Variants in KIAA1549L observed in about 807,000 individuals in gnomAD.
KIAA1549L encodes the protein KIAA1549 like, also known as UPF0606 protein KIAA1549L.
A neutral mutation model predicts 160.7 loss-of-function variants in KIAA1549L; 88 were observed. The ratio of observed to expected loss-of-function variants is 0.55; its 90% CI spans 0.46 to 0.65. The LOEUF (loss-of-function observed/expected upper bound fraction) is 0.65, where lower values mean the gene tolerates loss of function less well. Ranked by LOEUF, KIAA1549L falls within the 30% of genes least tolerant of loss-of-function variation. The pLI, the probability that KIAA1549L is intolerant of heterozygous loss-of-function variation, is 0.00. For synonymous variants in KIAA1549L, 950 were observed against 976.7 expected, an observed-to-expected ratio of 0.97 and a Z score of 0.51; for missense variants, 2,258 against 2,437.5, an observed-to-expected ratio of 0.93 and a Z score of 1.55.
chr11:33,500,014 G>C (rs1245385664), intron 1 of KIAA1549L, among the ~76,000 whole-genome samples: 1 of 152,058 alleles, frequency 6.6e-6, no homozygotes, highest in African/African-American at 2.4e-5. Context: ...CTGATACCAG[G>C]GTAGCCTTCT....
intron 1 of KIAA1549L, among the ~76,000 whole-genome samples, chr11:33,403,765 T>A (rs1850589009): frequency 6.6e-6 from 1 of 152,232 alleles, no homozygotes; most frequent in South Asian, 2.1e-4. Context: ...AAGTTGCTCA[T>A]GACCCACTAA....
chr11:33,643,189 C>G (rs1404611733), intron 16 of KIAA1549L, among the ~76,000 whole-genome samples: 1 of 152,128 alleles, frequency 6.6e-6, no homozygotes, highest in Admixed American at 6.5e-5. Context: ...ATTTGGGGAT[C>G]ATGGGGTAGG....
chr11:33,592,564 A>G (rs546909196), intron 12 of KIAA1549L, among the ~76,000 whole-genome samples: 1 of 152,328 alleles, frequency 6.6e-6, no homozygotes, highest in East Asian at 1.9e-4. Context: ...TAACATGTGT[A>G]TTGATCATTT....
intron 1 of KIAA1549L, among the ~76,000 whole-genome samples, chr11:33,515,184 C>A (rs1853316590): frequency 6.6e-6 from 1 of 152,178 alleles, no homozygotes; most frequent in South Asian, 2.1e-4. Flanking sequence ...AGTGCCTCCC[C>A]CACCCACCAA....
chr11:33,568,131 G>T lies in KIAA1549L; in HGVS notation c.4134G>T (p.Arg1378=). The T allele has an allele frequency of 6.2e-7, 1 of 1,613,160 alleles. No individual in the cohort carries two copies. The highest frequency in any genetic ancestry group is 8.5e-7 in the Non-Finnish European group (1 of 1,179,562). The part of the protein sequence containing the change: ...LVGLHNQSFA[R]VMEQRLAQLF... ...GCCTGCACAACCAGAGCTTTGCCCG[G>T]GTCATGGAGCAGCGCCTGGCCCAGC... The change falls in exon 9 of 21, where the codon CGG becomes CGT. Residue 1378 remains arginine (R), a synonymous_variant. Coordinates refer to ENST00000658780, the MANE Select transcript of KIAA1549L (RefSeq NM_012194.3).
At chr11:33,503,238 G>A (rs1852994894) in intron 1 of KIAA1549L, among the ~76,000 whole-genome samples, 1 of 152,190 alleles carries the variant, frequency 6.6e-6, no homozygotes, top group African/African-American at 2.4e-5. Context: ...ATGTGTGTGA[G>A]TTTCATTAAT....
At chr11:33,415,427 T>C (rs1183065475) in intron 1 of KIAA1549L, among the ~76,000 whole-genome samples, 1 of 152,184 alleles carries the variant, frequency 6.6e-6, no homozygotes, top group East Asian at 1.9e-4. Context: ...GTACTGTCCC[T>C]GGGGAACATG....
chr11:33,647,636 C>T (rs1851763077), intron 17 of KIAA1549L, among the ~76,000 whole-genome samples: 1 of 152,020 alleles, frequency 6.6e-6, no homozygotes, highest in Non-Finnish European at 1.5e-5. Context: ...CTGTAATAGA[C>T]AATGCCTTGT....
intron 14 of KIAA1549L, among the ~76,000 whole-genome samples, chr11:33,608,041 G>A (rs542487561): frequency 1.1e-4 from 17 of 152,290 alleles, no homozygotes; most frequent in African/African-American, 4.1e-4. Flanking sequence ...TTCCTGTCCA[G>A]CGCTCCTTTC....
chr11:33,651,916 CCCCT>C (rs372287074), intron 17 of KIAA1549L, among the ~76,000 whole-genome samples: 1 of 67,430 alleles, frequency 1.5e-5, no homozygotes. Context: ...CCCTCCCCTC[CCCCT>C]CCCTCCCTCC....
rs961926693 is a variant in KIAA1549L at position 33,671,281 on chromosome 11, G to A, written c.*3127G>A. The A allele has an allele frequency of 1.3e-5, 2 of 152,248 alleles. No individual in the cohort carries two copies. Among genetic ancestry groups the A allele is most frequent in the Non-Finnish European group, 2.9e-5 (2 of 68,090 alleles). The allele number at this position is 152,248 out of a possible 1,614,324, so 9.4% of individuals were successfully genotyped here. On this transcript the variant is annotated 3_prime_UTR_variant, in exon 21 of 21. Transcript: ENST00000658780. The stretch of plus-strand genomic sequence containing the variant: ...CCAAGGATCCCAACAGGCAGGCAGG[G>A]AGGCCCTTGACTTTGTGTCACTGTG...
chr11:33,391,171 A>T (rs907661846), intron 1 of KIAA1549L, among the ~76,000 whole-genome samples: 2 of 152,244 alleles, frequency 1.3e-5, no homozygotes, highest in Non-Finnish European at 2.9e-5. Flanking sequence ...GCTTTATAAA[A>T]AATTGCAATT....
At chr11:33,620,237 T>A (rs1850921638) in intron 16 of KIAA1549L, among the ~76,000 whole-genome samples, 1 of 152,194 alleles carries the variant, frequency 6.6e-6, no homozygotes, top group Non-Finnish European at 1.5e-5. Flanking sequence ...TAGGAGGAGA[T>A]TGCTCACCCT....
At chr11:33,439,976 T>C (rs912533486) in intron 1 of KIAA1549L, among the ~76,000 whole-genome samples, 2 of 152,100 alleles carry the variant, frequency 1.3e-5, no homozygotes, top group African/African-American at 4.8e-5. Context: ...TTTAGTCTAT[T>C]TACGTTGATT....
intron 1 of KIAA1549L, among the ~76,000 whole-genome samples, chr11:33,484,121 A>C (rs1398287955): frequency 6.6e-6 from 1 of 152,090 alleles, no homozygotes; most frequent in African/African-American, 2.4e-5. Flanking sequence ...ATTATTTTCT[A>C]TTATTTCTAT....
chr11:33,581,557 A>G (rs1855645844), intron 10 of KIAA1549L, among the ~76,000 whole-genome samples: 1 of 152,114 alleles, frequency 6.6e-6, no homozygotes, highest in African/African-American at 2.4e-5. Context: ...CAGTTTCCTC[A>G]TCAGCATATT....
chr11:33,606,043 C>T (rs1285096820), intron 13 of KIAA1549L, among the ~76,000 whole-genome samples: 1 of 152,100 alleles, frequency 6.6e-6, no homozygotes, highest in East Asian at 1.9e-4. Flanking sequence ...AAATTAGTTT[C>T]TCTGGCGGAA....
intron 1 of KIAA1549L, among the ~76,000 whole-genome samples, chr11:33,384,108 C>G (rs78108975): frequency 6.6e-6 from 1 of 152,176 alleles, no homozygotes; most frequent in Non-Finnish European, 1.5e-5. Context: ...TCAAAAAGTT[C>G]CCTCCTGCCC....
At chr11:33,456,414 G>GT (rs869188825) in intron 1 of KIAA1549L, among the ~76,000 whole-genome samples, 1 of 146,630 alleles carries the variant, frequency 6.8e-6, no homozygotes, top group Non-Finnish European at 1.5e-5. Context: ...TGTTGTTGTT[G>GT]TTTTTTGTTT....
Sources: gnomAD v4.1 joint callset for allele counts (sites outside exome capture counted in the v4.1 genomes callset) on GRCh38, gnomAD v4.1.1 for gene constraint, MANE v1.5 for transcripts, NCBI Gene and HGNC (gene_info 2026-07-23, HGNC 2026-07-21) for gene names.